The following DDC variants were observed in gnomAD, a reference collection of about 807,000 sequenced individuals.
The protein encoded by DDC is dopa decarboxylase.
A neutral mutation model predicts 60.0 loss-of-function variants in DDC; 43 were observed. The observed-to-expected ratio is 0.72, with a 90% confidence interval of 0.56 to 0.92. The LOEUF (loss-of-function observed/expected upper bound fraction) is 0.92, where lower values mean the gene tolerates loss of function less well. Among genes scored for constraint, DDC ranks in the 40% least tolerant of loss-of-function variants. The pLI, the probability that DDC is intolerant of heterozygous loss-of-function variation, is 0.00. For synonymous variants in DDC, 232 were observed against 234.6 expected (o/e 0.99, Z 0.10); for missense variants, 573 against 620.2 (o/e 0.92, Z 0.81).
intron 4 of DDC, among the ~76,000 whole-genome samples, chr7:50,537,530 C>T (rs1317464154): frequency 1.3e-5 from 2 of 152,242 alleles, no homozygotes; most frequent in Admixed American, 6.5e-5. Context: ...CAGTGGCCGG[C>T]GATGGGGAAC....
chr7:50,535,984 C>T (rs1321886400), intron 4 of DDC, among the ~76,000 whole-genome samples: 1 of 152,110 alleles, frequency 6.6e-6, no homozygotes, highest in Non-Finnish European at 1.5e-5. Flanking sequence ...ATCTTGGGAC[C>T]CCCAAATCAC....
chr7:50,561,239 T>G (rs1199440977), intron 1 of DDC, among the ~76,000 whole-genome samples: 1 of 151,754 alleles, frequency 6.6e-6, no homozygotes, highest in Non-Finnish European at 1.5e-5. Context: ...CCTAGCAGGA[T>G]GGAGAGGAGC....
At chr7:50,525,895 A>AT (rs2044024497) in intron 6 of DDC, among the ~76,000 whole-genome samples, 1 of 150,968 alleles carries the variant, frequency 6.6e-6, no homozygotes, top group South Asian at 2.1e-4. Flanking sequence ...AAGCATGGAG[A>AT]TTAAAAAAAA....
At chr7:50,537,114 A>G (rs940785958) in intron 4 of DDC, among the ~76,000 whole-genome samples, 7 of 151,558 alleles carry the variant, frequency 4.6e-5, no homozygotes, top group Admixed American at 1.3e-4. Flanking sequence ...GTGGAATAGA[A>G]ATTCCATCAT....
At chr7:50,511,052 T>TACACACACACACAC (rs377138071) in intron 6 of DDC, among the ~76,000 whole-genome samples, 1 of 139,098 alleles carries the variant, frequency 7.2e-6, no homozygotes, top group Non-Finnish European at 1.5e-5. Context: ...GATATATCTA[T>TACACACACACACAC]ACACACACAC....
In DDC at chr7:50,543,886, C is replaced by A; in HGVS notation, c.200G>T (p.Gly67Val). Residue 67 changes from glycine (G) to valine (V), a missense_variant and splice_region_variant, in exon 2 of 15, where the codon GGG (glycine) becomes GTG (valine). Coordinates refer to ENST00000444124, the MANE Select transcript of DDC (RefSeq NM_001082971.2). ...TTCTGACCTTGGATACACACTTACC[C>A]CAGGCATGATTATCTTCTCAACGTC... ...INDVEKIIMP[G>V]VTHWHSPYFF... 2 of 1,613,992 alleles carry A rather than the reference C, an allele frequency of 1.2e-6. No individual in the cohort carries two copies. The highest frequency in any genetic ancestry group is 2.2e-5 in the South Asian group (2 of 91,038).
intron 4 of DDC, among the ~76,000 whole-genome samples, chr7:50,534,005 T>G (rs1212401173): frequency 6.6e-6 from 1 of 152,224 alleles, no homozygotes; most frequent in East Asian, 1.9e-4. Context: ...CTGGAGCAGC[T>G]TGCTTTTATT....
At position 50,463,410 on chromosome 7, in the gene DDC, C is replaced by T. The variant is rs758882964; in HGVS notation, c.1264G>A (p.Ala422Thr). The T allele has an allele frequency of 3.1e-6, 5 of 1,614,158 alleles. No homozygotes were observed. The East Asian group carries it at 1.1e-4, about 36-fold the overall frequency. The change falls in exon 14 of 15, where the codon GCT becomes ACT. Residue 422 changes from alanine (A) to threonine (T), a missense_variant. Transcript: ENST00000444124. ...RLKGSNKVNE[A>T]LLQRINSAKK... ...GCACTGTTTATTCTTTGCAGAAGAGCTTCATTCACTTTGTTGGAACCCTGG... is the reference window on the plus strand; with the variant it reads ...GCACTGTTTATTCTTTGCAGAAGAGTTTCATTCACTTTGTTGGAACCCTGG...
At chr7:50,543,110 ATT>A (rs1054802556) in intron 2 of DDC, 1 of 153,836 alleles carries the variant, frequency 6.5e-6, no homozygotes, top group African/African-American at 2.4e-5. Context: ...GACTCTGCAC[ATT>A]GTTGCATGGA....
chr7:50,535,572 T>C, intron 4 of DDC, among the ~76,000 whole-genome samples: 1 of 152,218 alleles, frequency 6.6e-6, no homozygotes, highest in Middle Eastern at 3.2e-3. Flanking sequence ...CTGTGGGTCA[T>C]GGAGAAGGCA....
At chr7:50,564,198 C>T (rs2045389978) in intron 1 of DDC, 1 of 152,176 alleles carries the variant, frequency 6.6e-6, no homozygotes, top group Admixed American at 6.5e-5. Flanking sequence ...GCCAGGACTT[C>T]CAGGGTAGAG....
chr7:50,484,829 T>C (rs1190298491), intron 9 of DDC, among the ~76,000 whole-genome samples: 1 of 152,194 alleles, frequency 6.6e-6, no homozygotes, highest in African/African-American at 2.4e-5. Flanking sequence ...TTACGTTTTC[T>C]TTTTTAAAAA....
intron 9 of DDC, chr7:50,492,826 C>T (rs1168323803): frequency 5.3e-6 from 8 of 1,519,496 alleles, no homozygotes; most frequent in South Asian, 1.2e-5. Context: ...AAGAGTTGTC[C>T]GGGAGAGATG....
At chr7:50,478,595 G>A (rs1309981753) in intron 10 of DDC, among the ~76,000 whole-genome samples, 3 of 152,194 alleles carry the variant, frequency 2.0e-5, no homozygotes, top group African/African-American at 7.2e-5. Flanking sequence ...CCTTATGGAC[G>A]AGTAAAGAAC....
intron 7 of DDC, among the ~76,000 whole-genome samples, chr7:50,500,555 A>C (rs1357677046): frequency 1.3e-5 from 2 of 152,132 alleles, no homozygotes; most frequent in Admixed American, 6.5e-5. Flanking sequence ...AAACTCTGCA[A>C]ATCCTAAGGC....
chr7:50,552,356 A>G (rs986133991), intron 1 of DDC, among the ~76,000 whole-genome samples: 19 of 152,220 alleles, frequency 1.2e-4, no homozygotes, highest in African/African-American at 4.6e-4. Flanking sequence ...CAGCAGCTGC[A>G]CACGACACTA....
chr7:50,484,574 CTT>C (rs2042840144), intron 9 of DDC, among the ~76,000 whole-genome samples: 1 of 152,082 alleles, frequency 6.6e-6, no homozygotes, highest in South Asian at 2.1e-4. Context: ...ATTTGCATTT[CTT>C]GTTAAGATTT....
At chr7:50,539,849 C>A in intron 3 of DDC, 66 bp downstream of exon 3, 1 of 1,223,798 alleles carries the variant, frequency 8.2e-7, no homozygotes, top group East Asian at 2.4e-5. Flanking sequence ...TGCATAGGTA[C>A]CGTGTCCCCA....
chr7:50,459,366 G>C (rs1242522392), intron 14 of DDC, among the ~76,000 whole-genome samples: 1 of 152,166 alleles, frequency 6.6e-6, no homozygotes, highest in East Asian at 1.9e-4. Context: ...TACAGCCTCT[G>C]CCCGGCCGCC....
Sources: allele counts gnomAD v4.1 joint callset (sites outside exome capture counted in the v4.1 genomes callset), GRCh38; gene constraint gnomAD v4.1.1; transcripts MANE v1.5; gene names NCBI Gene and HGNC (gene_info 2026-07-23, HGNC 2026-07-21).